Variants in NIPBL observed in about 807,000 individuals in gnomAD.
NIPBL encodes the protein NIPBL cohesin loading factor, also known as nipped-B-like protein.
A neutral mutation model predicts 321.8 loss-of-function variants in NIPBL; 19 were observed. The ratio of observed to expected loss-of-function variants is 0.06; its 90% confidence interval spans 0.04 to 0.09. NIPBL has a LOEUF of 0.09. Ranked by LOEUF, NIPBL falls within the 10% of genes least tolerant of loss-of-function variation. NIPBL has a pLI of 1.00. For missense variants in NIPBL, 2,210 were observed against 3,327.0 expected, an observed-to-expected ratio of 0.66 and a Z score of 8.26; for synonymous variants, 1,106 against 1,114.1, an observed-to-expected ratio of 0.99 and a Z score of 0.14.
At chr5:37,059,547 G>C (rs932582573) in intron 44 of NIPBL, among the ~76,000 whole-genome samples, 2 of 152,012 alleles carry the variant, frequency 1.3e-5, no homozygotes, top group Admixed American at 6.6e-5. Context: ...TTGTTTGCAT[G>C]CTTACTTTAA....
rs544120546 is a variant in NIPBL, at chr5:36,893,997, T to C, written c.-80+16819T>C. On this transcript the variant is annotated intron_variant, in intron 1 of 46. Transcript: ENST00000282516. ...TAAAGGTGTCTTATATTTTAAAAGT[T>C]TGCTCAAAAGTCAAATTGAATCTTG... Among the ~76,000 whole-genome samples the C allele has an allele frequency of 5.9e-5, 9 of 152,306 alleles. No homozygotes were observed. In the East Asian group the frequency reaches 1.2e-3, roughly 20 times the overall value.
At chr5:36,943,560 CT>C (rs1365684112) in intron 1 of NIPBL, among the ~76,000 whole-genome samples, 2 of 151,854 alleles carry the variant, frequency 1.3e-5, no homozygotes, top group African/African-American at 4.8e-5. Flanking sequence ...AAAAAAAACC[CT>C]AGCATCAGAA....
At chr5:36,925,174 T>A (rs1266256153) in intron 1 of NIPBL, among the ~76,000 whole-genome samples, 1 of 152,174 alleles carries the variant, frequency 6.6e-6, no homozygotes, top group Non-Finnish European at 1.5e-5. Flanking sequence ...TTAATAGCAT[T>A]GATAGTAATA....
In NIPBL at chr5:37,006,438, A is replaced by G. The variant is rs769095978; in HGVS notation, c.3937A>G (p.Thr1313Ala). ...RVTKSADACL[T>A]TINIMTSPNM... ...TACAAAATCAGCGGATGCTTGTCTTACAACTATCAACATTATGACATCCCC... is the reference window on the plus strand; with the variant it reads ...TACAAAATCAGCGGATGCTTGTCTTGCAACTATCAACATTATGACATCCCC... Residue 1313 changes from threonine (T) to alanine (A), a missense_variant, in exon 17 of 47, where the codon ACA becomes GCA. Transcript: ENST00000282516. 33 of 1,612,650 alleles carry G rather than the reference A, an allele frequency of 2.0e-5. No individual in the cohort carries two copies. Among genetic ancestry groups the G allele is most frequent in the Non-Finnish European group, 2.6e-5 (31 of 1,178,912 alleles).
At chr5:36,887,855 C>T (rs568224205) in intron 1 of NIPBL, among the ~76,000 whole-genome samples, 1 of 152,278 alleles carries the variant, frequency 6.6e-6, no homozygotes, top group East Asian at 1.9e-4. Flanking sequence ...CTGAACTCAT[C>T]CCTTAATTCT....
chr5:36,894,106 A>G (rs1013950973), intron 1 of NIPBL, among the ~76,000 whole-genome samples: 1 of 152,218 alleles, frequency 6.6e-6, no homozygotes, highest in Non-Finnish European at 1.5e-5. Context: ...TTATTAGTTC[A>G]TAGTTGCCTT....
intron 21 of NIPBL, 41 bp downstream of exon 21, chr5:37,010,266 G>T (rs756631746): frequency 8.5e-6 from 12 of 1,407,398 alleles, no homozygotes; most frequent in Admixed American, 5.0e-5. Context: ...TACTTTTATT[G>T]AAGGAAATAC....
chr5:37,055,832 C>T (rs146484278), intron 42 of NIPBL, among the ~76,000 whole-genome samples: 1 of 151,768 alleles, frequency 6.6e-6, no homozygotes, highest in East Asian at 1.9e-4. Context: ...ATAGTGAGAC[C>T]CTATCTCTAC....
chr5:37,038,964 T>G (rs1752026601), intron 34 of NIPBL, among the ~76,000 whole-genome samples: 1 of 152,192 alleles, frequency 6.6e-6, no homozygotes, highest in African/African-American at 2.4e-5. Flanking sequence ...CAGTAGATGC[T>G]TACTAAATGT....
intron 9 of NIPBL, among the ~76,000 whole-genome samples, chr5:36,982,599 T>G (rs986981960): frequency 2.0e-5 from 3 of 151,896 alleles, no homozygotes; most frequent in Non-Finnish European, 4.4e-5. Context: ...TTTCATACAT[T>G]TTTTATTATA....
In NIPBL at chr5:37,048,679, A is replaced by C; in HGVS notation, c.6763+4A>C. On this transcript the variant is annotated splice_donor_region_variant and intron_variant, in intron 39 of 46. Transcript: ENST00000282516. ...ATGCAGCAGGCAGATAGAGACTGTA[A>C]GTGAAAATATATTTTTAAATTTCAT... 1 of 1,599,784 alleles carries C rather than the reference A, an allele frequency of 6.3e-7. No individual in the cohort carries two copies. The highest frequency in any genetic ancestry group is 8.6e-7 in the Non-Finnish European group (1 of 1,169,052).
At chr5:36,914,798 A>G (rs1442769631) in intron 1 of NIPBL, among the ~76,000 whole-genome samples, 1 of 152,200 alleles carries the variant, frequency 6.6e-6, no homozygotes, top group Non-Finnish European at 1.5e-5. Flanking sequence ...TCAAAACTAT[A>G]TAATAAATGT....
chr5:37,000,376 C>T lies in NIPBL; in HGVS notation c.3308C>T (p.Ser1103Phe), dbSNP rs773728177. 3.1e-6 allele frequency: 5 copies of T among 1,612,220 alleles called. No homozygotes were observed. The South Asian group carries it at 4.4e-5, about 14-fold the overall frequency. The stretch of plus-strand genomic sequence containing the variant: ...TGTCATGGGGATTTGCTTCTAGCCT[C>T]TAGGAAACGACATAAAAAAGATGAT... ...DNDSDEAFESSRKRHKKDDDK... is the reference protein window; with the variant it reads ...DNDSDEAFESFRKRHKKDDDK... The change falls in exon 12 of 47, where the codon TCT (serine) becomes TTT (phenylalanine). Residue 1103 changes from serine (S) to phenylalanine (F), a missense_variant. Transcript: ENST00000282516.
intron 1 of NIPBL, among the ~76,000 whole-genome samples, chr5:36,892,804 G>A (rs186430394): frequency 5.5e-4 from 84 of 152,040 alleles, no homozygotes; most frequent in African/African-American, 2.0e-3. Context: ...GGGGGGAGTG[G>A]GGAGGGATAG....
At chr5:37,003,452 CA>C in intron 16 of NIPBL, 105 bp downstream of exon 16, 1 of 694,060 alleles carries the variant, frequency 1.4e-6, no homozygotes, top group Non-Finnish European at 2.6e-6. Flanking sequence ...CAGTTACCTA[CA>C]GTCAACTGTG....
intron 21 of NIPBL, among the ~76,000 whole-genome samples, chr5:37,013,093 C>G: frequency 6.7e-6 from 1 of 148,300 alleles, no homozygotes. Flanking sequence ...GGCAGAGGGG[C>G]TCCTCACTTC....
rs571921999 is a variant in NIPBL, at chr5:36,949,267, A to G, written c.-79-4351A>G. 3.4e-4 allele frequency among the ~76,000 whole-genome samples: 51 copies of G among 151,998 alleles called. No individual in the cohort carries two copies. In the South Asian group the frequency reaches 0.01, roughly 30 times the overall value. On this transcript the variant is annotated intron_variant, in intron 1 of 46. Transcript: ENST00000282516. ...AATTAATATTTTTCTTCTTGGCTAT[A>G]TATTTTGAGTACATTGATTGTGTAT...
At chr5:37,060,756 A>T in intron 44 of NIPBL, 88 bp from the exon 45 acceptor site, 2 of 1,115,778 alleles carry the variant, frequency 1.8e-6, no homozygotes, top group South Asian at 2.9e-5. Flanking sequence ...TAATTTCATT[A>T]ATATGGTGCT....
At chr5:37,014,904 T>C (rs1748755274) in intron 22 of NIPBL, 139 bp downstream of exon 22, 1 of 651,132 alleles carries the variant, frequency 1.5e-6, no homozygotes, top group Non-Finnish European at 2.7e-6. Context: ...TCTTGATCTT[T>C]AAAATGAGGC....
Sources: gnomAD v4.1 joint callset for allele counts (sites outside exome capture counted in the v4.1 genomes callset) on GRCh38, gnomAD v4.1.1 for gene constraint, MANE v1.5 for transcripts, NCBI Gene and HGNC (gene_info 2026-07-23, HGNC 2026-07-21) for gene names.